The following GRIK1 variants were observed in gnomAD, a reference collection of about 807,000 sequenced individuals.
GRIK1 encodes glutamate receptor ionotropic, kainate 1.
A neutral mutation model predicts 105.7 loss-of-function variants in GRIK1; 69 were observed. The observed-to-expected ratio is 0.65, with a 90% CI of 0.54 to 0.80. The LOEUF (loss-of-function observed/expected upper bound fraction) is 0.80, where lower values mean the gene tolerates loss of function less well. GRIK1 is among the 30% of genes least tolerant of loss of function. The pLI, the probability that GRIK1 is intolerant of heterozygous loss-of-function variation, is 0.00. For missense variants in GRIK1, 1,109 were observed against 1,167.3 expected (o/e 0.95, Z 0.73); for synonymous variants, 438 against 431.3 (o/e 1.02, Z -0.19).
At chr21:29,711,201 A>G (rs563877370) in intron 1 of GRIK1, among the ~76,000 whole-genome samples, 1 of 152,268 alleles carries the variant, frequency 6.6e-6, no homozygotes, top group African/African-American at 2.4e-5. Context: ...TATTTTGGTC[A>G]ATGATAGACT....
At chr21:29,580,378 T>C (rs2091001518) in intron 13 of GRIK1, among the ~76,000 whole-genome samples, 1 of 152,096 alleles carries the variant, frequency 6.6e-6, no homozygotes, top group African/African-American at 2.4e-5. Flanking sequence ...AGATGGCATC[T>C]ATACTTATTT....
intron 4 of GRIK1, among the ~76,000 whole-genome samples, chr21:29,665,055 G>A (rs1430474567): frequency 6.6e-6 from 1 of 152,170 alleles, no homozygotes; most frequent in African/African-American, 2.4e-5. Context: ...GTCAAAAGTT[G>A]ATATAACCGG....
At chr21:29,923,027 C>T (rs1199629136) in intron 1 of GRIK1, among the ~76,000 whole-genome samples, 1 of 152,020 alleles carries the variant, frequency 6.6e-6, no homozygotes, top group African/African-American at 2.4e-5. Flanking sequence ...CAATTCTATG[C>T]CATTTGTGTG....
chr21:29,695,786 T>C (rs545615464), intron 1 of GRIK1, among the ~76,000 whole-genome samples: 2 of 152,342 alleles, frequency 1.3e-5, no homozygotes, highest in East Asian at 3.9e-4. Flanking sequence ...GCTGCTATTT[T>C]TTATCTACTC....
At chr21:29,915,256 G>A (rs945529364) in intron 1 of GRIK1, among the ~76,000 whole-genome samples, 16 of 151,876 alleles carry the variant, frequency 1.1e-4, no homozygotes, top group Admixed American at 3.3e-4. Flanking sequence ...GCCTATCTGT[G>A]TCCAGTGCTC....
chr21:29,560,516 C>CTTTCCTTTCTCTCCCTTTCTTTCTTTCT, intron 15 of GRIK1, among the ~76,000 whole-genome samples: 1 of 47,292 alleles, frequency 2.1e-5, no homozygotes, highest in African/African-American at 1.1e-4. Context: ...TCCTTCCTTC[C>CTTTCCTTTCTCTCCCTTTCTTTCTTTCT]TTCCTTTCTT....
At chr21:29,736,313 T>G (rs2146919463) in intron 1 of GRIK1, among the ~76,000 whole-genome samples, 1 of 152,104 alleles carries the variant, frequency 6.6e-6, no homozygotes, top group African/African-American at 2.4e-5. Context: ...TCCACTCAAC[T>G]GGACTCAACT....
chr21:29,824,166 C>T (rs1311675977), intron 1 of GRIK1, among the ~76,000 whole-genome samples: 1 of 151,870 alleles, frequency 6.6e-6, no homozygotes, highest in African/African-American at 2.4e-5. Context: ...TAATTATACA[C>T]TATAAATATA....
intron 7 of GRIK1, among the ~76,000 whole-genome samples, chr21:29,628,100 A>G (rs530920540): frequency 2.6e-4 from 39 of 152,322 alleles, no homozygotes; most frequent in Non-Finnish European, 5.1e-4. Context: ...GTACTGTACA[A>G]TGACAAATAT....
intron 7 of GRIK1, among the ~76,000 whole-genome samples, chr21:29,642,561 CAGGAG>C (rs2062533084): frequency 6.6e-6 from 1 of 152,202 alleles, no homozygotes; most frequent in African/African-American, 2.4e-5. Context: ...GGAGAGCCAG[CAGGAG>C]CTATGGCCAT....
rs2063551948 is a variant in GRIK1, at chr21:29,689,810, A to G, written c.462T>C (p.Tyr154=). 6 of 1,613,944 alleles carry G rather than the reference A, an allele frequency of 3.7e-6. No individual in the cohort carries two copies. The highest frequency in any genetic ancestry group is 5.1e-6 in the Non-Finnish European group (6 of 1,179,800). The change falls in exon 3 of 18, where the codon TAT becomes TAC. Residue 154 remains tyrosine (Y), a synonymous_variant. Coordinates refer to ENST00000327783, the MANE Select transcript of GRIK1 (RefSeq NM_001330994.2). The stretch of plus-strand genomic sequence containing the variant: ...CCAGGATCGCCCTGCTGATAGCTGC[A>G]TAATCTGGGTAAAGGTTGATGTAAA... ...DLFYINLYPD[Y]AAISRAILDL...
chr21:29,877,021 G>A (rs1486712626), intron 1 of GRIK1, among the ~76,000 whole-genome samples: 3 of 152,128 alleles, frequency 2.0e-5, no homozygotes, highest in Admixed American at 2.0e-4. Flanking sequence ...GATGTATGGT[G>A]AAAAGTATAC....
At chr21:29,643,429 G>T (rs781335886) in intron 6 of GRIK1, among the ~76,000 whole-genome samples, 2 of 152,216 alleles carry the variant, frequency 1.3e-5, no homozygotes, top group Non-Finnish European at 2.9e-5. Context: ...TCACTAACAG[G>T]TGATTTCCAG....
intron 1 of GRIK1, among the ~76,000 whole-genome samples, chr21:29,813,261 A>G (rs2067061486): frequency 6.6e-6 from 1 of 152,182 alleles, no homozygotes; most frequent in East Asian, 1.9e-4. Context: ...CTGAGGTGTT[A>G]CTAAACCCTG....
intron 4 of GRIK1, among the ~76,000 whole-genome samples, chr21:29,661,681 A>T (rs2062965903): frequency 6.6e-6 from 1 of 152,260 alleles, no homozygotes. Flanking sequence ...TGGCTTAAAC[A>T]GCAATAGAAA....
chr21:29,735,105 A>G (rs1303273784), intron 1 of GRIK1, among the ~76,000 whole-genome samples: 8 of 152,224 alleles, frequency 5.3e-5, no homozygotes, highest in Admixed American at 3.9e-4. Context: ...CTACCATGTT[A>G]ATTTTCCATC....
At chr21:29,645,515 A>C (rs1397464076) in intron 6 of GRIK1, among the ~76,000 whole-genome samples, 1 of 152,218 alleles carries the variant, frequency 6.6e-6, no homozygotes, top group African/African-American at 2.4e-5. Flanking sequence ...GAAAGGCAAT[A>C]AAATGATTCA....
In GRIK1 at chr21:29,541,890, C is replaced by T. The variant is rs192009224; in HGVS notation, c.2608-4006G>A. 4.6e-5 allele frequency among the ~76,000 whole-genome samples: 7 copies of T among 152,222 alleles called. No homozygotes were observed. In the East Asian group the frequency reaches 1.4e-3, roughly 29 times the overall value. ...GTCCCCGGCAATTTAAAAATTCCAT[C>T]TCTGTGCTTATGAACCATCTATTAA... On this transcript the variant is annotated intron_variant, in intron 16 of 17. Coordinates refer to ENST00000327783, the MANE Select transcript of GRIK1 (RefSeq NM_001330994.2).
chr21:29,864,710 T>C (rs2068748662), intron 1 of GRIK1, among the ~76,000 whole-genome samples: 1 of 152,174 alleles, frequency 6.6e-6, no homozygotes. Flanking sequence ...TTATGCACTT[T>C]GTCTTTAATG....
Sources: gnomAD v4.1 joint callset for allele counts (sites outside exome capture counted in the v4.1 genomes callset) on GRCh38, gnomAD v4.1.1 for gene constraint, MANE v1.5 for transcripts, NCBI Gene and HGNC (gene_info 2026-07-23, HGNC 2026-07-21) for gene names.